AKNAD1: variants seen among roughly 807,000 people sequenced by gnomAD.
The protein encoded by AKNAD1 is AKNA domain containing 1.
AKNAD1 carries 67 observed loss-of-function variants against 90.8 expected under a neutral mutation model. The ratio of observed to expected loss-of-function variants is 0.74; its 90% CI spans 0.61 to 0.90. The LOEUF is 0.90. AKNAD1 is among the 40% of genes least tolerant of loss of function. AKNAD1 has a pLI of 0.00. For synonymous variants in AKNAD1, 327 were observed against 341.4 expected, an observed-to-expected ratio of 0.96 and a Z score of 0.46; for missense variants, 957 against 975.4, an observed-to-expected ratio of 0.98 and a Z score of 0.25.
chr1:108,832,482 A>T (rs1163971819), intron 9 of AKNAD1, among the ~76,000 whole-genome samples: 1 of 151,572 alleles, frequency 6.6e-6, no homozygotes, highest in Non-Finnish European at 1.5e-5. Context: ...GCCTTGGCCT[A>T]CCAAAGTGCT....
intron 12 of AKNAD1, 37 bp from the exon 13 acceptor site, chr1:108,823,514 G>A: frequency 6.2e-7 from 1 of 1,611,224 alleles, no homozygotes; most frequent in African/African-American, 1.3e-5. Context: ...TTAATTGCCT[G>A]GGAACAGTGA....
rs190289483 is a variant in AKNAD1 at position 108,835,914 on chromosome 1, G to T, written c.1537-858C>A. Reference sequence around the variant, plus strand: ...GCTGGAATTACAGGCGTGAGCCACCGCACCTGGCTTAATTTGTTAAGTATA... The same window carrying T: ...GCTGGAATTACAGGCGTGAGCCACCTCACCTGGCTTAATTTGTTAAGTATA... On this transcript the variant is annotated intron_variant, in intron 7 of 15. Coordinates refer to ENST00000370001, the MANE Select transcript of AKNAD1 (RefSeq NM_152763.5). 3.7e-3 allele frequency among the ~76,000 whole-genome samples: 558 copies of T among 152,224 alleles called. 5 individuals carry two copies. Among genetic ancestry groups the T allele is most frequent in the African/African-American group, 0.013 (540 of 41,552 alleles).
intron 5 of AKNAD1, among the ~76,000 whole-genome samples, chr1:108,847,623 A>C (rs969830133): frequency 1.3e-5 from 2 of 148,792 alleles, no homozygotes; most frequent in Non-Finnish European, 1.5e-5. Context: ...ACAGCTCCTC[A>C]CACTGGCAGC....
Position 108,834,534 on chromosome 1 carries a change from TTAA to T in AKNAD1, c.1665-9_1665-7del. 6.9e-7 allele frequency: 1 copy of T among 1,459,726 alleles called. No individual in the cohort carries two copies. The allele number at this position is 1,459,726 out of a possible 1,614,324, so 90.4% of individuals were successfully genotyped here. ...CATAATGACCGTTTAGGTAACTAAT[TTAA>T]AAAAAAAAAAAGCAGTTTGAATGTT... On this transcript the variant is annotated splice_region_variant and splice_polypyrimidine_tract_variant and intron_variant, in intron 8 of 15. Coordinates refer to ENST00000370001, the MANE Select transcript of AKNAD1 (RefSeq NM_152763.5).
At position 108,851,806 on chromosome 1, in the gene AKNAD1, T is replaced by C. The variant is rs879429112; in HGVS notation, c.859A>G (p.Ser287Gly). Residue 287 changes from serine (S) to glycine (G), a missense_variant, in exon 2 of 16, where the codon AGC (serine) becomes GGC (glycine). Physicochemically the swap from Ser to Gly is moderately conservative, Grantham distance 56. Coordinates refer to ENST00000370001, the MANE Select transcript of AKNAD1 (RefSeq NM_152763.5). ...TTATCTCTCGACTTGGAAGAAAAGC[T>C]GGCTTGTTTAGCTATTGCAAGTGGT... ...NKPLAIAKQA[S>G]FSSKSRDKPT... The C allele has an allele frequency of 2.5e-6, 4 of 1,614,208 alleles. No homozygotes were observed. Among genetic ancestry groups the C allele is most frequent in the Non-Finnish European group, 3.4e-6 (4 of 1,180,024 alleles).
At chr1:108,856,729 T>C (rs190379979) in intron 1 of AKNAD1, among the ~76,000 whole-genome samples, 200 bp downstream of exon 1, 9,868 of 143,314 alleles carry the variant, frequency 0.069, 451 homozygotes, top group Non-Finnish European at 0.097. Flanking sequence ...CACACACACA[T>C]AAACACACAC....
At chr1:108,830,249 C>T (rs1306404510) in intron 10 of AKNAD1, among the ~76,000 whole-genome samples, 4 of 152,142 alleles carry the variant, frequency 2.6e-5, no homozygotes, top group African/African-American at 9.7e-5. Flanking sequence ...ATCGGAATCA[C>T]CTGGGGAGAT....
At chr1:108,841,926 C>A (rs1392388094) in intron 6 of AKNAD1, among the ~76,000 whole-genome samples, 1 of 152,068 alleles carries the variant, frequency 6.6e-6, no homozygotes, top group East Asian at 1.9e-4. Context: ...TCATGCCAGG[C>A]ACAGTGTGGC....
At chr1:108,818,879 C>T (rs537207721) in intron 14 of AKNAD1, among the ~76,000 whole-genome samples, 112 of 146,518 alleles carry the variant, frequency 7.6e-4, no homozygotes, top group African/African-American at 2.7e-3. Flanking sequence ...AGGAGACTCA[C>T]TTGAACCTGG....
chr1:108,817,767 A>G (rs1017220685), intron 14 of AKNAD1, among the ~76,000 whole-genome samples: 1 of 150,272 alleles, frequency 6.7e-6, no homozygotes. Flanking sequence ...GGCCTCCCAA[A>G]GTGCTGGGAT....
chr1:108,842,245 G>A (rs950689422), intron 6 of AKNAD1, among the ~76,000 whole-genome samples: 5 of 152,132 alleles, frequency 3.3e-5, no homozygotes, highest in African/African-American at 7.2e-5. Context: ...GCCACAGAAC[G>A]CTAGGGCTGA....
At chr1:108,850,652 G>A (rs1172619974) in intron 2 of AKNAD1, among the ~76,000 whole-genome samples, 6 of 151,878 alleles carry the variant, frequency 4.0e-5, no homozygotes, top group African/African-American at 1.5e-4. Flanking sequence ...AAGAGAGAGA[G>A]AGAAAAATCA....
At chr1:108,831,433 CA>C (rs1450896003) in intron 9 of AKNAD1, among the ~76,000 whole-genome samples, 14 of 152,184 alleles carry the variant, frequency 9.2e-5, no homozygotes, top group Admixed American at 1.3e-4. Context: ...TTGCTTTCCA[CA>C]AAAGTTGTAC....
At chr1:108,849,153 C>G (rs1395749202) in intron 3 of AKNAD1, 93 bp from the exon 4 acceptor site, 25 of 1,111,708 alleles carry the variant, frequency 2.2e-5, no homozygotes, top group Non-Finnish European at 3.1e-5. Context: ...GCAGTCACCA[C>G]CACTTACTAT....
chr1:108,850,170 T>C (rs1664808496), intron 2 of AKNAD1, among the ~76,000 whole-genome samples: 1 of 152,216 alleles, frequency 6.6e-6, no homozygotes, highest in African/African-American at 2.4e-5. Flanking sequence ...GTGATTCACC[T>C]TGTGGGGTCT....
At chr1:108,823,758 A>G (rs1663901318) in intron 11 of AKNAD1, 70 bp from the exon 12 acceptor site, 1 of 1,606,536 alleles carries the variant, frequency 6.2e-7, no homozygotes, top group Non-Finnish European at 8.5e-7. Context: ...CGGTGTGGAG[A>G]GCAGAGCTGT....
At chr1:108,851,088 T>G (rs919569481) in intron 2 of AKNAD1, among the ~76,000 whole-genome samples, 3 of 152,098 alleles carry the variant, frequency 2.0e-5, no homozygotes, top group Admixed American at 2.0e-4. Context: ...AATTAGGCAA[T>G]GGAAAGGCGA....
At chr1:108,821,608 T>TG (rs777970957) in intron 13 of AKNAD1, among the ~76,000 whole-genome samples, 25 of 152,340 alleles carry the variant, frequency 1.6e-4, no homozygotes, top group African/African-American at 5.8e-4. Flanking sequence ...TCCAAGAGGT[T>TG]GGGCCAAATG....
At chr1:108,831,578 C>T (rs1664196810) in intron 9 of AKNAD1, among the ~76,000 whole-genome samples, 1 of 151,704 alleles carries the variant, frequency 6.6e-6, no homozygotes, top group African/African-American at 2.4e-5. Flanking sequence ...TTTGCATTTC[C>T]TCTGTGACTA....
Sources: allele counts gnomAD v4.1 joint callset (sites outside exome capture counted in the v4.1 genomes callset), GRCh38; gene constraint gnomAD v4.1.1; transcripts MANE v1.5; gene names NCBI Gene and HGNC (gene_info 2026-07-23, HGNC 2026-07-21).